ELFN2: variants seen among roughly 807,000 people sequenced by gnomAD.
The protein encoded by ELFN2 is extracellular leucine rich repeat and fibronectin type III domain containing 2.
ELFN2 carries 17 observed loss-of-function variants against 45.5 expected under a neutral mutation model. The ratio of observed to expected loss-of-function variants is 0.37; its 90% CI spans 0.26 to 0.56. The LOEUF (loss-of-function observed/expected upper bound fraction) is 0.56. Among genes scored for constraint, ELFN2 ranks in the 20% least tolerant of loss-of-function variants. The pLI is 0.77. For synonymous variants in ELFN2, 550 were observed against 551.5 expected (o/e 1.00, Z 0.04); for missense variants, 922 against 1,183.2 (o/e 0.78, Z 3.24).
chr22:37,361,072 C>T (rs536850060), intron 1 of ELFN2, among the ~76,000 whole-genome samples: 2 of 152,278 alleles, frequency 1.3e-5, no homozygotes, highest in South Asian at 4.1e-4. Flanking sequence ...AGCTAAGGGA[C>T]AGCCACATCC....
At chr22:37,421,430 G>A (rs932462322) in intron 1 of ELFN2, among the ~76,000 whole-genome samples, 2 of 152,196 alleles carry the variant, frequency 1.3e-5, no homozygotes, top group Non-Finnish European at 2.9e-5. Context: ...TGGGAGGCTC[G>A]CTCCACACCT....
At chr22:37,379,138 G>A (rs1931674061) in intron 2 of ELFN2, among the ~76,000 whole-genome samples, 1 of 152,200 alleles carries the variant, frequency 6.6e-6, no homozygotes, top group Non-Finnish European at 1.5e-5. Context: ...GACAGACAGA[G>A]GAGGAGAGAA....
At chr22:37,342,378 T>C (rs777361954) in intron 2 of ELFN2, among the ~76,000 whole-genome samples, 15 of 152,088 alleles carry the variant, frequency 9.9e-5, no homozygotes, top group Non-Finnish European at 1.5e-4. Flanking sequence ...TTCCCCAGTG[T>C]CTCCTGCCCA....
At chr22:37,358,806 G>A (rs950730143) in intron 1 of ELFN2, among the ~76,000 whole-genome samples, 2 of 152,204 alleles carry the variant, frequency 1.3e-5, no homozygotes, top group Non-Finnish European at 2.9e-5. Context: ...GGTGTGGCTT[G>A]CACCCCAAGG....
rs188629910 is a variant in ELFN2 at position 37,410,974 on chromosome 22, A to G, written c.-463+6795T>C. 3.4e-3 allele frequency among the ~76,000 whole-genome samples: 515 copies of G among 152,240 alleles called. 4 individuals carry two copies. The highest frequency in any genetic ancestry group is 0.012 in the African/African-American group (494 of 41,536). On this transcript the variant is annotated intron_variant, in intron 2 of 2. Transcript: ENST00000402918. ...CCAGCAGCCTCAGAGGTGACTCTAG[A>G]AGGGCCCCTGAAGCCTGCCTCCCTG...
chr22:37,387,880 G>C (rs962375517), intron 2 of ELFN2, among the ~76,000 whole-genome samples: 2 of 151,334 alleles, frequency 1.3e-5, no homozygotes, highest in African/African-American at 4.9e-5. Context: ...AGCTGCCTCC[G>C]GGGCCCTTCC....
intron 2 of ELFN2, among the ~76,000 whole-genome samples, chr22:37,406,449 C>A (rs1016466284): frequency 1.3e-5 from 2 of 152,194 alleles, no homozygotes; most frequent in African/African-American, 4.8e-5. Flanking sequence ...GGCGCTCCCC[C>A]ATCAGGGAAA....
intron 2 of ELFN2, among the ~76,000 whole-genome samples, chr22:37,393,318 T>TC (rs765273355): frequency 4.6e-5 from 7 of 152,158 alleles, no homozygotes; most frequent in Non-Finnish European, 7.3e-5. Context: ...TTCCTTATGC[T>TC]CCCCCATCAA....
At position 37,379,867 on chromosome 22, in the gene ELFN2, C is replaced by T. The variant is rs554053023; in HGVS notation, c.-462-3871G>A. On this transcript the variant is annotated intron_variant, in intron 2 of 2. Coordinates refer to ENST00000402918, the MANE Select transcript of ELFN2 (RefSeq NM_052906.5). Reference sequence around the variant, plus strand: ...TTTCCGCCCGGGTGCTCCTAGGTCCCGGGCCCCTCTCTGGACTCAGAACTG... The same window carrying T: ...TTTCCGCCCGGGTGCTCCTAGGTCCTGGGCCCCTCTCTGGACTCAGAACTG... Among the ~76,000 whole-genome samples the T allele has an allele frequency of 1.8e-3, 274 of 152,244 alleles. 3 individuals carry two copies. Among genetic ancestry groups the T allele is most frequent in the African/African-American group, 6.4e-3 (264 of 41,544 alleles).
intron 2 of ELFN2, among the ~76,000 whole-genome samples, chr22:37,406,695 G>A (rs1050903985): frequency 3.3e-5 from 5 of 152,222 alleles, no homozygotes; most frequent in Admixed American, 6.5e-5. Flanking sequence ...CCATCCTCCC[G>A]GGCATTAGGG....
In ELFN2 at chr22:37,375,096, A is replaced by G; in HGVS notation, c.439T>C (p.Phe147Leu). ...CTGATGAGGCTCGGGCACTCGGAGA[A>G]GGCGGTGGGCGTCACCACCTCGATG... ...NLIEVVTPTA[F>L]SECPSLISID... is the part of the protein sequence containing the mutation. The change falls in exon 3 of 3, where the codon TTC (phenylalanine) becomes CTC (leucine). Residue 147 changes from phenylalanine to leucine, a missense_variant. Physicochemically the swap from Phe to Leu is conservative, Grantham distance 22 (BLOSUM62 0). This residue lies in a region of ELFN2 where 358 missense variants were observed against 540.4 expected (regional missense o/e 0.66). Transcript: ENST00000402918. 6.2e-7 allele frequency: 1 copy of G among 1,613,624 alleles called. No homozygotes were observed.
In ELFN2 at chr22:37,412,851, G is replaced by A. The variant is rs1411296287; in HGVS notation, c.-463+4918C>T. On this transcript the variant is annotated intron_variant, in intron 2 of 2. Coordinates refer to ENST00000402918, the MANE Select transcript of ELFN2 (RefSeq NM_052906.5). ...AGCCCGGCACTCTAAGCTCATCCTG[G>A]CAGGGCTGGGACCAGCAGCCTTCCT... Among the ~76,000 whole-genome samples the A allele has an allele frequency of 3.3e-5, 5 of 152,302 alleles. No homozygotes were observed. In the East Asian group the frequency reaches 9.6e-4, roughly 29 times the overall value.
intron 2 of ELFN2, among the ~76,000 whole-genome samples, chr22:37,403,678 C>T (rs1292119536): frequency 6.6e-6 from 1 of 152,212 alleles, no homozygotes; most frequent in East Asian, 1.9e-4. Context: ...GCAGAAAAGG[C>T]AGGCCAGGCA....
At chr22:37,377,494 A>T (rs1389878309) in intron 2 of ELFN2, among the ~76,000 whole-genome samples, 2 of 152,250 alleles carry the variant, frequency 1.3e-5, no homozygotes, top group African/African-American at 4.8e-5. Flanking sequence ...TTAAAAAAAA[A>T]TTTAAACCTT....
chr22:37,398,636 C>T (rs7291540), intron 2 of ELFN2, among the ~76,000 whole-genome samples: 6,769 of 152,226 alleles, frequency 0.044, 494 homozygotes, highest in African/African-American at 0.15. Flanking sequence ...CTCCCCAGCT[C>T]CTCTGCTCCA....
At chr22:37,360,825 A>G (rs142265005) in intron 1 of ELFN2, among the ~76,000 whole-genome samples, 2 of 152,346 alleles carry the variant, frequency 1.3e-5, no homozygotes, top group Non-Finnish European at 2.9e-5. Flanking sequence ...AGAACAAAGA[A>G]GAGGCTCGTA....
intron 2 of ELFN2, among the ~76,000 whole-genome samples, chr22:37,402,555 C>T (rs893038539): frequency 1.3e-5 from 2 of 152,260 alleles, no homozygotes; most frequent in African/African-American, 2.4e-5. Context: ...ATAAGGAAAC[C>T]GAGGCTCATG....
chr22:37,365,608 G>A (rs1931185417), downstream of ELFN2, among the ~76,000 whole-genome samples: 1 of 152,236 alleles, frequency 6.6e-6, no homozygotes, highest in Admixed American at 6.5e-5. Context: ...TAGCCCTTGG[G>A]CGAGGCTTGA....
At chr22:37,364,834 C>T (rs1461759678), downstream of ELFN2, among the ~76,000 whole-genome samples, 2 of 152,238 alleles carry the variant, frequency 1.3e-5, no homozygotes, top group African/African-American at 4.8e-5. Context: ...CGGTGGGCCC[C>T]AGGCTGCCCC....
Sources: gnomAD v4.1 joint callset for allele counts (sites outside exome capture counted in the v4.1 genomes callset) on GRCh38, gnomAD v4.1.1 for gene constraint, gnomAD v4.1.1 regional missense constraint, MANE v1.5 for transcripts, NCBI Gene and HGNC (gene_info 2026-07-23, HGNC 2026-07-21) for gene names.